The following RBFOX1 variants were observed in gnomAD, a reference collection of about 807,000 sequenced individuals.
RBFOX1 encodes the protein RNA binding fox-1 homolog 1.
In RBFOX1, 8 loss-of-function variants were observed where a neutral mutation model predicts 57.7. The ratio of observed to expected loss-of-function variants is 0.14; its 90% CI spans 0.08 to 0.25. The LOEUF is 0.25. Ranked by LOEUF, RBFOX1 falls within the 10% of genes least tolerant of loss-of-function variation. The pLI is 1.00. For missense variants in RBFOX1, 611 were observed against 548.5 expected, an observed-to-expected ratio of 1.11 and a Z score of -1.14; for synonymous variants, 326 against 222.4, an observed-to-expected ratio of 1.47 and a Z score of -4.15.
chr16:6,663,285 A>G (rs893672676), intron 3 of RBFOX1, among the ~76,000 whole-genome samples: 5 of 152,180 alleles, frequency 3.3e-5, no homozygotes, highest in Admixed American at 2.6e-4. Flanking sequence ...CAGCTTAAGT[A>G]TTTGTATATA....
At chr16:6,115,279 C>G (rs534542704) in intron 1 of RBFOX1, among the ~76,000 whole-genome samples, 2 of 152,132 alleles carry the variant, frequency 1.3e-5, no homozygotes, top group Non-Finnish European at 2.9e-5. Flanking sequence ...GGAGTATAAA[C>G]TTTAAGTTTT....
intron 5 of RBFOX1, among the ~76,000 whole-genome samples, chr16:7,578,414 A>T (rs2093496816): frequency 6.6e-6 from 1 of 152,234 alleles, no homozygotes; most frequent in Non-Finnish European, 1.5e-5. Flanking sequence ...TTGCCAGCTA[A>T]CAAGATGTCT....
At chr16:6,524,451 C>T (rs1445636309) in intron 2 of RBFOX1, among the ~76,000 whole-genome samples, 2 of 152,134 alleles carry the variant, frequency 1.3e-5, no homozygotes, top group Non-Finnish European at 2.9e-5. Flanking sequence ...TACCGTAGTT[C>T]TACAAACTCA....
At chr16:6,537,988 T>C (rs1406999389) in intron 2 of RBFOX1, among the ~76,000 whole-genome samples, 1 of 151,930 alleles carries the variant, frequency 6.6e-6, no homozygotes, top group East Asian at 1.9e-4. Flanking sequence ...AGATTAATTC[T>C]ATCTTTGTTT....
At chr16:6,894,221 A>AT (rs1300189448) in intron 3 of RBFOX1, among the ~76,000 whole-genome samples, 1 of 152,004 alleles carries the variant, frequency 6.6e-6, no homozygotes, top group East Asian at 1.9e-4. Flanking sequence ...TCACTTCTGC[A>AT]TTTTCTGTCA....
chr16:7,071,805 G>A (rs948090633), intron 4 of RBFOX1, among the ~76,000 whole-genome samples: 1 of 151,894 alleles, frequency 6.6e-6, no homozygotes, highest in Non-Finnish European at 1.5e-5. Context: ...CATCATCTGT[G>A]TCTTCTACAC....
At chr16:5,899,796 C>T (rs146504282) in intron 4 of RBFOX1, among the ~76,000 whole-genome samples, 178 of 152,254 alleles carry the variant, frequency 1.2e-3, no homozygotes, top group African/African-American at 3.8e-3. Flanking sequence ...TTTGATGGCC[C>T]GGCATGGTGG....
intron 2 of RBFOX1, among the ~76,000 whole-genome samples, chr16:6,539,699 G>C (rs1287836129): frequency 6.6e-6 from 1 of 152,058 alleles, no homozygotes; most frequent in Non-Finnish European, 1.5e-5. Context: ...ACGGGAGGCT[G>C]AGGCAGGAGA....
At chr16:5,731,004 G>A (rs1003916689) in intron 3 of RBFOX1, among the ~76,000 whole-genome samples, 1 of 146,392 alleles carries the variant, frequency 6.8e-6, no homozygotes, top group Non-Finnish European at 1.5e-5. Flanking sequence ...CATTACCACT[G>A]CCATTATCAC....
intron 2 of RBFOX1, among the ~76,000 whole-genome samples, chr16:6,350,371 G>T (rs562033678): frequency 1.4e-5 from 2 of 145,508 alleles, no homozygotes; most frequent in African/African-American, 5.1e-5. Context: ...AACCCAGGAG[G>T]CAGAGGTTGC....
intron 3 of RBFOX1, among the ~76,000 whole-genome samples, chr16:6,813,798 C>T (rs1268018571): frequency 1.3e-5 from 2 of 152,180 alleles, no homozygotes; most frequent in East Asian, 3.9e-4. Flanking sequence ...GCGGAGGATT[C>T]CTGAAGAATG....
At chr16:7,480,979 G>A (rs1366069478) in intron 4 of RBFOX1, among the ~76,000 whole-genome samples, 2 of 152,064 alleles carry the variant, frequency 1.3e-5, no homozygotes, top group African/African-American at 4.8e-5. Flanking sequence ...CAGCTTATAG[G>A]GCTGCTACCT....
At chr16:6,436,067 C>T (rs533646122) in intron 2 of RBFOX1, among the ~76,000 whole-genome samples, 21 of 152,214 alleles carry the variant, frequency 1.4e-4, no homozygotes, top group African/African-American at 5.1e-4. Flanking sequence ...TGGAGAAAAA[C>T]TCTGGCTCCT....
intron 3 of RBFOX1, among the ~76,000 whole-genome samples, chr16:7,040,221 A>G (rs994848979): frequency 6.6e-6 from 1 of 151,732 alleles, no homozygotes; most frequent in African/African-American, 2.4e-5. Context: ...GGGTTTCACC[A>G]TGTTGGCCAG....
At chr16:6,652,173 C>A (rs1755845394) in intron 2 of RBFOX1, among the ~76,000 whole-genome samples, 2 of 152,174 alleles carry the variant, frequency 1.3e-5, no homozygotes, top group African/African-American at 4.8e-5. Flanking sequence ...GATGGCCACA[C>A]CTTACGGTGG....
At chr16:6,767,944 T>G (rs11643310) in intron 3 of RBFOX1, among the ~76,000 whole-genome samples, 14,786 of 83,752 alleles carry the variant, frequency 0.18, 837 homozygotes, top group African/African-American at 0.27. Context: ...ATAATAATAA[T>G]AATAAGAAGA....
intron 2 of RBFOX1, among the ~76,000 whole-genome samples, chr16:5,585,180 C>G (rs1171777338): frequency 1.3e-5 from 2 of 152,180 alleles, no homozygotes; most frequent in South Asian, 2.1e-4. Flanking sequence ...CTGCCCTCCC[C>G]CCGTCCCTGG....
rs745729142 is a variant in RBFOX1 at position 7,653,924 on chromosome 16, G to A, written c.867G>A (p.Pro289=). Residue 289 remains proline, a synonymous_variant, in exon 12 of 16, where the codon CCG becomes CCA. Transcript: ENST00000550418. The part of the protein sequence containing the change: ...VYNTFRAAAP[P]PPIPAYGGVV... Reference sequence around the variant, plus strand: ...ACACCTTCAGGGCCGCGGCGCCCCCGCCCCCGATCCCGGCCTACGGCGGGT... The same window carrying A: ...ACACCTTCAGGGCCGCGGCGCCCCCACCCCCGATCCCGGCCTACGGCGGGT... 21 of 1,559,530 alleles carry A rather than the reference G, an allele frequency of 1.3e-5. No homozygotes were observed. In the East Asian group the frequency reaches 2.1e-4, roughly 15 times the overall value.
At chr16:6,411,044 C>T (rs1025240247) in intron 2 of RBFOX1, among the ~76,000 whole-genome samples, 1 of 152,154 alleles carries the variant, frequency 6.6e-6, no homozygotes, top group East Asian at 1.9e-4. Context: ...CCATGGCTCC[C>T]GCTGCTCACA....
Sources: allele counts gnomAD v4.1 joint callset (sites outside exome capture counted in the v4.1 genomes callset), GRCh38; gene constraint gnomAD v4.1.1; transcripts MANE v1.5; gene names NCBI Gene and HGNC (gene_info 2026-07-23, HGNC 2026-07-21).